The following RTN4 variants were observed in gnomAD, a reference collection of about 807,000 sequenced individuals.
The protein encoded by RTN4 is reticulon 4.
In RTN4, 32 loss-of-function variants were observed where a neutral mutation model predicts 90.4. The observed-to-expected ratio is 0.35, with a 90% confidence interval of 0.27 to 0.48. The LOEUF (loss-of-function observed/expected upper bound fraction) is 0.48, where lower values mean the gene tolerates loss of function less well. Ranked by LOEUF, RTN4 falls within the 20% of genes least tolerant of loss-of-function variation. The probability of loss-of-function intolerance (pLI) is 0.99; values close to 1 mark genes in which losing one functional copy is unlikely to be tolerated. For synonymous variants in RTN4, 629 were observed against 552.5 expected (o/e 1.14, Z -1.94); for missense variants, 1,706 against 1,430.2 (o/e 1.19, Z -3.11).
chr2:55,071,799 G>A (rs905078494), intron 2 of RTN4, among the ~76,000 whole-genome samples: 3 of 152,116 alleles, frequency 2.0e-5, no homozygotes, highest in Non-Finnish European at 4.4e-5. Flanking sequence ...ATTAGTGAAG[G>A]GAGGGAAAAA....
chr2:55,021,802 T>G (rs1004587037), intron 3 of RTN4, among the ~76,000 whole-genome samples: 1 of 152,334 alleles, frequency 6.6e-6, no homozygotes, highest in African/African-American at 2.4e-5. Context: ...TATATTGTTT[T>G]CATTATAGCA....
At position 55,026,241 on chromosome 2, in the gene RTN4, A is replaced by T. The variant is rs79560160; in HGVS notation, c.1858T>A (p.Leu620Met). The part of the protein sequence containing the change: ...VLPDIVMEAP[L>M]NSAVPSAGAS... ...CCAGCACTAGGAACTGCAGAATTCA[A>T]TGGTGCTTCCATAACAATGTCAGGC... Residue 620 changes from leucine (L) to methionine (M), a missense_variant, in exon 3 of 9, where the codon TTG (leucine) becomes ATG (methionine). Coordinates refer to ENST00000337526, the MANE Select transcript of RTN4 (RefSeq NM_020532.5). The T allele has an allele frequency of 3.1e-6, 5 of 1,613,876 alleles. No individual in the cohort carries two copies. The highest frequency in any genetic ancestry group is 4.2e-6 in the Non-Finnish European group (5 of 1,179,900).
rs183013574 is a variant in RTN4 at position 55,073,529 on chromosome 2, C to T, written c.-63+6960G>A. The stretch of plus-strand genomic sequence containing the variant: ...CTTAAGGAAATGCCTAAAAACCAAC[C>T]CCAGTATCTTTGGGAAGCAATTCTG... On this transcript the variant is annotated intron_variant, in intron 2 of 3. Transcript: ENST00000427710. 1.5e-3 allele frequency among the ~76,000 whole-genome samples: 224 copies of T among 152,196 alleles called. 1 individual carries two copies. Among genetic ancestry groups the T allele is most frequent in the African/African-American group, 5.1e-3 (211 of 41,526 alleles).
intron 5 of RTN4, among the ~76,000 whole-genome samples, chr2:54,981,666 G>A (rs1678138572): frequency 6.6e-6 from 1 of 152,190 alleles, no homozygotes; most frequent in Non-Finnish European, 1.5e-5. Flanking sequence ...TTTGCAAGGT[G>A]AGACTCTTAA....
chr2:55,091,916 C>T (rs373885627), intron 1 of RTN4, among the ~76,000 whole-genome samples: 21 of 152,314 alleles, frequency 1.4e-4, no homozygotes, highest in East Asian at 1.4e-3. Flanking sequence ...CTCACTATCA[C>T]GAGAACAGCA....
At chr2:55,054,603 C>T (rs1259987414), upstream of RTN4, among the ~76,000 whole-genome samples, 3 of 152,162 alleles carry the variant, frequency 2.0e-5, no homozygotes, top group Non-Finnish European at 2.9e-5. Flanking sequence ...GATGGGTATA[C>T]TCTTGCCTAC....
At position 55,027,179 on chromosome 2, in the gene RTN4, G is replaced by C. The variant is rs1488726792; in HGVS notation, c.920C>G (p.Ser307Cys). 1 of 1,613,572 alleles carries C rather than the reference G, an allele frequency of 6.2e-7. No individual in the cohort carries two copies. ...YSEMGSSFSV[S>C]PKAESAVIVA... ...TATTACGGCAGATTCTGCTTTTGGA[G>C]AGACACTGAACGATGATCCCATTTC... Residue 307 changes from serine to cysteine, a missense_variant, in exon 3 of 9, where the codon TCT (serine) becomes TGT (cysteine). By Grantham distance (112) the Ser-to-Cys change is moderately radical. Transcript: ENST00000337526.
chr2:54,977,419 T>A (rs1677727942), intron 5 of RTN4, among the ~76,000 whole-genome samples: 1 of 151,666 alleles, frequency 6.6e-6, no homozygotes, highest in African/African-American at 2.4e-5. Context: ...TTTTTTTTTT[T>A]CTTCCTCTCA....
At chr2:55,127,352 G>A in the RTN4 span, among the ~76,000 whole-genome samples, 1 of 152,134 alleles carries the variant, frequency 6.6e-6, no homozygotes, top group Non-Finnish European at 1.5e-5. Flanking sequence ...GCTTTCATAA[G>A]AGCACAGCCA....
At chr2:55,045,018 T>TAA (rs1683327208) in intron 1 of RTN4, among the ~76,000 whole-genome samples, 1 of 152,118 alleles carries the variant, frequency 6.6e-6, no homozygotes, top group African/African-American at 2.4e-5. Context: ...AACTTGGACT[T>TAA]TATATTAAGA....
intron 1 of RTN4, among the ~76,000 whole-genome samples, chr2:55,047,636 G>A (rs1039323985): frequency 6.6e-6 from 1 of 151,912 alleles, no homozygotes; most frequent in African/African-American, 2.4e-5. Context: ...ATCCTACAAG[G>A]CTATGAAGAT....
At chr2:54,991,901 A>C (rs1308872237) in intron 3 of RTN4, among the ~76,000 whole-genome samples, 1 of 152,232 alleles carries the variant, frequency 6.6e-6, no homozygotes, top group Non-Finnish European at 1.5e-5. Context: ...TGTATGAGAG[A>C]AACTTTTTAA....
intron 8 of RTN4, 49 bp downstream of exon 8, chr2:54,973,514 T>C (rs778240083): frequency 1.4e-6 from 2 of 1,387,874 alleles, no homozygotes; most frequent in South Asian, 2.3e-5. Flanking sequence ...GTTCTCACAA[T>C]CCAGCACACC....
chr2:55,090,719 G>A (rs1250728859), intron 1 of RTN4, among the ~76,000 whole-genome samples: 1 of 152,136 alleles, frequency 6.6e-6, no homozygotes, highest in Non-Finnish European at 1.5e-5. Flanking sequence ...GGGTCCAATT[G>A]CTCATACAAT....
At chr2:55,001,464 G>A (rs1387813243) in intron 3 of RTN4, among the ~76,000 whole-genome samples, 2 of 152,100 alleles carry the variant, frequency 1.3e-5, no homozygotes, top group African/African-American at 4.8e-5. Flanking sequence ...AAGTTGCATA[G>A]GAAAGAAAAT....
intron 3 of RTN4, among the ~76,000 whole-genome samples, chr2:55,004,524 A>G (rs1296344758): frequency 6.6e-6 from 1 of 152,204 alleles, no homozygotes; most frequent in Non-Finnish European, 1.5e-5. Context: ...CTGAATCTAC[A>G]GAAGTTCCTT....
intron 3 of RTN4, among the ~76,000 whole-genome samples, chr2:55,023,310 T>G (rs1681586950): frequency 6.6e-6 from 1 of 152,188 alleles, no homozygotes; most frequent in Admixed American, 6.5e-5. Context: ...TCAACCTTGA[T>G]TAGGCTCCTA....
At chr2:55,017,000 A>G (rs1681091291) in intron 3 of RTN4, among the ~76,000 whole-genome samples, 8 of 152,178 alleles carry the variant, frequency 5.3e-5, no homozygotes, top group Admixed American at 5.2e-4. Flanking sequence ...TATTGGGCCC[A>G]CAGTAAGCAC....
At chr2:55,061,921 G>A (rs933992424) in intron 2 of RTN4, among the ~76,000 whole-genome samples, 2 of 152,074 alleles carry the variant, frequency 1.3e-5, no homozygotes, top group Non-Finnish European at 2.9e-5. Context: ...AAAAACCCGA[G>A]ACCCTAGCAA....
Sources: allele counts gnomAD v4.1 joint callset (sites outside exome capture counted in the v4.1 genomes callset), GRCh38; gene constraint gnomAD v4.1.1; transcripts MANE v1.5; gene names NCBI Gene and HGNC (gene_info 2026-07-23, HGNC 2026-07-21).